Variants in MSRA observed in about 807,000 individuals in gnomAD.
The protein encoded by MSRA is methionine sulfoxide reductase A, also known as mitochondrial peptide methionine sulfoxide reductase.
A neutral mutation model predicts 31.3 loss-of-function variants in MSRA; 54 were observed. The ratio of observed to expected loss-of-function variants is 1.73; its 90% CI spans 1.39 to 2.17. The LOEUF (loss-of-function observed/expected upper bound fraction) is 2.17, where lower values mean the gene tolerates loss of function less well. Among genes scored for constraint, MSRA ranks in the 30% most tolerant of loss-of-function variants. The probability of loss-of-function intolerance (pLI) is 0.00; values close to 1 mark genes in which losing one functional copy is unlikely to be tolerated. For synonymous variants in MSRA, 169 were observed against 116.5 expected (o/e 1.45, Z -2.90); for missense variants, 507 against 300.9 (o/e 1.69, Z -5.07).
chr8:10,219,542 G>A (rs959702377), intron 2 of MSRA, among the ~76,000 whole-genome samples: 40 of 152,110 alleles, frequency 2.6e-4, no homozygotes, highest in Middle Eastern at 3.4e-3. Flanking sequence ...GGGTGCGGTG[G>A]CTCACACCTG....
intron 3 of MSRA, among the ~76,000 whole-genome samples, chr8:10,274,715 A>G (rs1362252701): frequency 6.6e-6 from 1 of 152,010 alleles, no homozygotes; most frequent in East Asian, 1.9e-4. Context: ...CCATTTATCC[A>G]TGTATCCACT....
intron 2 of MSRA, among the ~76,000 whole-genome samples, chr8:10,240,749 C>G (rs373221397): frequency 1.3e-5 from 2 of 152,146 alleles, no homozygotes; most frequent in African/African-American, 4.8e-5. Context: ...TCTTTCCTGG[C>G]CACTCTAGAG....
intron 3 of MSRA, among the ~76,000 whole-genome samples, chr8:10,297,034 C>T (rs764943005): frequency 4.9e-4 from 75 of 152,266 alleles, no homozygotes; most frequent in Non-Finnish European, 9.7e-4. Flanking sequence ...ATTTTCTCCA[C>T]GGATAGGAAG....
chr8:10,221,150 G>A lies in MSRA; in HGVS notation c.211+13249G>A, dbSNP rs549849689. 1.5e-3 allele frequency among the ~76,000 whole-genome samples: 227 copies of A among 152,258 alleles called. 1 individual carries two copies. The highest frequency in any genetic ancestry group is 2.8e-3 in the Non-Finnish European group (193 of 68,022). The stretch of plus-strand genomic sequence containing the variant: ...TGCAGAAAATGAGAGCCGCCTTCCC[G>A]AGCAAATAGCCAGTGCATGCTTTTA... On this transcript the variant is annotated intron_variant, in intron 2 of 5. Coordinates refer to ENST00000317173, the MANE Select transcript of MSRA (RefSeq NM_012331.5).
At chr8:10,245,005 CTTT>C in intron 2 of MSRA, 96 bp from the exon 3 acceptor site, 1 of 908,434 alleles carries the variant, frequency 1.1e-6, no homozygotes, top group Non-Finnish European at 1.5e-6. Flanking sequence ...ACAGGAGCAA[CTTT>C]TTTTTTTTCT....
chr8:10,285,984 G>A (rs553857100), intron 3 of MSRA, among the ~76,000 whole-genome samples: 3 of 152,204 alleles, frequency 2.0e-5, no homozygotes, highest in South Asian at 4.2e-4. Flanking sequence ...ACAACTAATT[G>A]GGTAAGGGTA....
At chr8:10,415,874 T>G (rs1015635374) in intron 5 of MSRA, among the ~76,000 whole-genome samples, 7 of 151,932 alleles carry the variant, frequency 4.6e-5, no homozygotes, top group Non-Finnish European at 7.4e-5. Flanking sequence ...TCCTGCAATT[T>G]CCCAGCAGGA....
chr8:10,143,246 C>T (rs530211395), intron 1 of MSRA, among the ~76,000 whole-genome samples: 4 of 152,046 alleles, frequency 2.6e-5, no homozygotes, highest in Non-Finnish European at 5.9e-5. Context: ...TCACATCACC[C>T]GAGACCAAGT....
chr8:10,265,720 CA>C (rs1440091873), intron 3 of MSRA, among the ~76,000 whole-genome samples: 5 of 152,174 alleles, frequency 3.3e-5, no homozygotes, highest in Admixed American at 2.6e-4. Context: ...ATCCATTCCC[CA>C]AAAAAAGTTA....
At chr8:10,124,808 G>C (rs573473322) in intron 1 of MSRA, among the ~76,000 whole-genome samples, 1 of 151,686 alleles carries the variant, frequency 6.6e-6, no homozygotes, top group East Asian at 1.9e-4. Context: ...AAAAATAATT[G>C]AATTAAATTG....
intron 5 of MSRA, among the ~76,000 whole-genome samples, chr8:10,343,257 A>G (rs1803557140): frequency 6.6e-6 from 1 of 152,198 alleles, no homozygotes; most frequent in South Asian, 2.1e-4. Context: ...TGGTGAGAAC[A>G]CCGTCTCTAT....
chr8:10,148,770 C>G (rs904476868), intron 1 of MSRA, among the ~76,000 whole-genome samples: 5 of 147,146 alleles, frequency 3.4e-5, no homozygotes, highest in Non-Finnish European at 5.9e-5. Flanking sequence ...TTACTGCACT[C>G]TATCCTGGGT....
chr8:10,350,564 G>A (rs1029309196), intron 5 of MSRA, among the ~76,000 whole-genome samples: 3 of 152,218 alleles, frequency 2.0e-5, no homozygotes, highest in Non-Finnish European at 2.9e-5. Context: ...ATGTCTCACC[G>A]AATTGGAACT....
intron 1 of MSRA, among the ~76,000 whole-genome samples, chr8:10,195,787 G>A (rs796881713): frequency 1.7e-4 from 26 of 152,334 alleles, no homozygotes; most frequent in African/African-American, 5.5e-4. Flanking sequence ...TTGCTGTAAA[G>A]TTTATAATGA....
chr8:10,408,363 C>G (rs557547176), intron 5 of MSRA, among the ~76,000 whole-genome samples: 4 of 152,162 alleles, frequency 2.6e-5, no homozygotes, highest in East Asian at 3.9e-4. Flanking sequence ...GCGGTGAAAC[C>G]CTGTCTCTAC....
intron 1 of MSRA, among the ~76,000 whole-genome samples, chr8:10,183,995 T>C (rs1196614763): frequency 1.2e-3 from 1 of 816 alleles, no homozygotes; most frequent in Non-Finnish European, 4.4e-3. Context: ...CTGGTTTTCT[T>C]GGCTACTAGG....
At chr8:10,166,085 G>T (rs1805096301) in intron 1 of MSRA, among the ~76,000 whole-genome samples, 1 of 152,108 alleles carries the variant, frequency 6.6e-6, no homozygotes, top group South Asian at 2.1e-4. Flanking sequence ...ACCCGGGGCT[G>T]GTAAGGTCAA....
chr8:10,352,827 C>G (rs1804259580), intron 5 of MSRA, among the ~76,000 whole-genome samples: 1 of 152,048 alleles, frequency 6.6e-6, no homozygotes, highest in South Asian at 2.1e-4. Flanking sequence ...TTTGGAGAGT[C>G]AACAACAACC....
chr8:10,116,267 T>C (rs1486690128), intron 1 of MSRA, among the ~76,000 whole-genome samples: 1 of 152,222 alleles, frequency 6.6e-6, no homozygotes, highest in Non-Finnish European at 1.5e-5. Flanking sequence ...TTTTTTTAAA[T>C]TTTAAGCTCA....
Sources: gnomAD v4.1 joint callset for allele counts (sites outside exome capture counted in the v4.1 genomes callset) on GRCh38, gnomAD v4.1.1 for gene constraint, MANE v1.5 for transcripts, NCBI Gene and HGNC (gene_info 2026-07-23, HGNC 2026-07-21) for gene names.